The following ULK2 variants were observed in gnomAD, a reference collection of about 807,000 sequenced individuals.
ULK2 encodes unc-51 like autophagy activating kinase 2, also known as serine/threonine-protein kinase ULK2.
ULK2 carries 76 observed loss-of-function variants against 127.5 expected under a neutral mutation model. The observed-to-expected ratio is 0.60, with a 90% CI of 0.50 to 0.72. The LOEUF is 0.72. ULK2 is among the 30% of genes least tolerant of loss of function. ULK2 has a pLI of 0.00. For synonymous variants in ULK2, 452 were observed against 461.9 expected (o/e 0.98, Z 0.28); for missense variants, 1,144 against 1,295.9 (o/e 0.88, Z 1.80).
intron 7 of ULK2, among the ~76,000 whole-genome samples, chr17:19,843,508 A>G (rs953906186): frequency 1.3e-5 from 2 of 152,138 alleles, no homozygotes; most frequent in African/African-American, 4.8e-5. Context: ...AAGAGGGCCG[A>G]AAGAGTAAAG....
intron 23 of ULK2, among the ~76,000 whole-genome samples, 183 bp downstream of exon 23, chr17:19,781,706 C>T (rs967867461): frequency 2.0e-5 from 3 of 152,170 alleles, no homozygotes; most frequent in African/African-American, 7.2e-5. Context: ...GGAAAGGCAA[C>T]ACTGAGGTTG....
chr17:19,828,305 G>C (rs962662310), intron 10 of ULK2, among the ~76,000 whole-genome samples: 1 of 152,142 alleles, frequency 6.6e-6, no homozygotes, highest in African/African-American at 2.4e-5. Context: ...ACAGTAAAAA[G>C]CCACATGAAG....
intron 13 of ULK2, among the ~76,000 whole-genome samples, chr17:19,815,170 A>C (rs912965450): frequency 6.6e-6 from 1 of 152,226 alleles, no homozygotes; most frequent in Admixed American, 6.5e-5. Context: ...TGTATGCAGA[A>C]ATATGAAATC....
intron 3 of ULK2, among the ~76,000 whole-genome samples, chr17:19,850,788 C>G (rs932870023): frequency 2.2e-4 from 33 of 152,034 alleles, no homozygotes; most frequent in African/African-American, 7.7e-4. Flanking sequence ...TCATCGAGAT[C>G]ATGCCATTGC....
intron 16 of ULK2, among the ~76,000 whole-genome samples, chr17:19,800,648 C>G (rs892074623): frequency 6.6e-6 from 1 of 152,184 alleles, no homozygotes; most frequent in African/African-American, 2.4e-5. Flanking sequence ...TTAAACAGGG[C>G]TCCTGAGGAA....
At position 19,825,030 on chromosome 17, in the gene ULK2, C is replaced by A. The variant is rs528329062; in HGVS notation, c.924+64G>T. 6.0e-5 allele frequency: 84 copies of A among 1,410,962 alleles called. 2 individuals carry two copies. The South Asian group carries it at 9.8e-4, about 16-fold the overall frequency. 87.4% of individuals were successfully genotyped at this position (1,410,962 alleles called of 1,614,324 possible). A position where few individuals can be genotyped will look rare whatever the true frequency, so the allele number is the denominator to read the frequency against. ...AGAATATCCACAGTGTATGTGCATGCTCCATTTGAGAAAAGATGTAATAGC... is the reference window on the plus strand; with the variant it reads ...AGAATATCCACAGTGTATGTGCATGATCCATTTGAGAAAAGATGTAATAGC... On this transcript the variant is annotated intron_variant, in intron 12 of 26. Transcript: ENST00000395544.
intron 3 of ULK2, among the ~76,000 whole-genome samples, chr17:19,864,158 G>GT (rs900078258): frequency 2.6e-5 from 4 of 151,962 alleles, no homozygotes; most frequent in Non-Finnish European, 5.9e-5. Context: ...TAAAAAAAAT[G>GT]TTTTTTTAAA....
intron 26 of ULK2, 92 bp from the exon 27 acceptor site, chr17:19,776,499 G>A: frequency 8.7e-7 from 1 of 1,147,118 alleles, no homozygotes; most frequent in Non-Finnish European, 1.2e-6. Flanking sequence ...TAACAGTTCT[G>A]AATATGTTTT....
chr17:19,793,104 G>A (rs575308323), intron 20 of ULK2, among the ~76,000 whole-genome samples: 6 of 152,140 alleles, frequency 3.9e-5, no homozygotes, highest in South Asian at 2.1e-4. Context: ...GGAAACTTAC[G>A]ATTACAGTGG....
At chr17:19,802,699 A>G (rs2087425618) in intron 15 of ULK2, among the ~76,000 whole-genome samples, 1 of 152,190 alleles carries the variant, frequency 6.6e-6, no homozygotes, top group African/African-American at 2.4e-5. Context: ...TTTCTTTGAT[A>G]CTACACCAAA....
intron 10 of ULK2, among the ~76,000 whole-genome samples, chr17:19,827,243 T>C (rs1005636442): frequency 1.3e-5 from 2 of 152,224 alleles, no homozygotes; most frequent in Non-Finnish European, 1.5e-5. Context: ...GACAATGAAC[T>C]GGGTGCTTCA....
At chr17:19,778,258 C>CA (rs1341580643) in intron 25 of ULK2, among the ~76,000 whole-genome samples, 1 of 152,144 alleles carries the variant, frequency 6.6e-6, no homozygotes, top group Middle Eastern at 3.2e-3. Flanking sequence ...TACAGTCCTG[C>CA]AAAAAATGCA....
At chr17:19,858,890 A>G (rs1180118378) in intron 3 of ULK2, among the ~76,000 whole-genome samples, 2 of 152,174 alleles carry the variant, frequency 1.3e-5, no homozygotes, top group Admixed American at 1.3e-4. Context: ...GAACTGCTTG[A>G]GCCCAGAAGG....
intron 23 of ULK2, 60 bp from the exon 24 acceptor site, chr17:19,781,164 C>G: frequency 2.1e-6 from 3 of 1,413,282 alleles, no homozygotes; most frequent in Non-Finnish European, 3.0e-6. Flanking sequence ...ATGTGGCACT[C>G]TACACAACAG....
intron 7 of ULK2, 33 bp from the exon 8 acceptor site, chr17:19,843,255 A>G: frequency 7.2e-7 from 1 of 1,392,698 alleles, no homozygotes; most frequent in Non-Finnish European, 9.7e-7. Context: ...GGCATGCCGT[A>G]CGTTATTTAC....
chr17:19,836,062 T>C (rs1489783671), intron 10 of ULK2, among the ~76,000 whole-genome samples: 3 of 150,276 alleles, frequency 2.0e-5, no homozygotes, highest in Non-Finnish European at 4.4e-5. Flanking sequence ...AGGCCAGGAG[T>C]TTGAGACAAG....
intron 13 of ULK2, among the ~76,000 whole-genome samples, 156 bp from the exon 14 acceptor site, chr17:19,810,594 GA>G (rs568000355): frequency 2.6e-4 from 40 of 152,286 alleles, no homozygotes; most frequent in African/African-American, 9.4e-4. Flanking sequence ...GATGACCTCA[GA>G]AAACTACACC....
intron 20 of ULK2, among the ~76,000 whole-genome samples, chr17:19,794,510 A>C (rs2087223095): frequency 6.6e-6 from 1 of 152,178 alleles, no homozygotes; most frequent in Admixed American, 6.5e-5. Flanking sequence ...AGACAGAGAA[A>C]ATTTTGAAAG....
Position 19,846,848 on chromosome 17 carries a change from G to A in ULK2, c.358C>T (p.Arg120Ter), listed in dbSNP as rs772533077. The change falls in exon 6 of 27, where the codon CGA becomes TGA. Residue 120 changes from arginine (R) to a stop codon, truncating the protein, a stop_gained. Coordinates refer to ENST00000395544, the MANE Select transcript of ULK2 (RefSeq NM_014683.4). LOFTEE classifies it high-confidence loss of function. ...ATGATTCCTTTGCTGTGCAGGATTC[G>A]CATGGCAGCAGCAATCTGATGCAGA... is the stretch of plus-strand genomic sequence containing the variant. ...VFLHQIAAAM[R>*]ILHSKGIIHR... 4.3e-6 allele frequency: 7 copies of A among 1,613,722 alleles called. No individual in the cohort carries two copies. Among genetic ancestry groups the A allele is most frequent in the South Asian group, 1.1e-5 (1 of 91,018 alleles).
Sources: gnomAD v4.1 joint callset for allele counts (sites outside exome capture counted in the v4.1 genomes callset) on GRCh38, gnomAD v4.1.1 for gene constraint, MANE v1.5 for transcripts, NCBI Gene and HGNC (gene_info 2026-07-23, HGNC 2026-07-21) for gene names.